Variants in CDH13 observed in about 807,000 individuals in gnomAD.
The protein encoded by CDH13 is cadherin 13.
Under a neutral mutation model 63.8 loss-of-function variants are expected in CDH13, and 24 were observed. The observed-to-expected ratio is 0.38, with a 90% CI of 0.27 to 0.53. The LOEUF (loss-of-function observed/expected upper bound fraction) is 0.53, where lower values mean the gene tolerates loss of function less well. Among genes scored for constraint, CDH13 ranks in the 20% least tolerant of loss-of-function variants. CDH13 has a pLI of 0.85. For missense variants in CDH13, 1,049 were observed against 903.1 expected, an observed-to-expected ratio of 1.16 and a Z score of -2.07; for synonymous variants, 503 against 355.3, an observed-to-expected ratio of 1.42 and a Z score of -4.67.
intron 8 of CDH13, among the ~76,000 whole-genome samples, chr16:83,670,029 C>T (rs1047236237): frequency 6.6e-6 from 1 of 152,200 alleles, no homozygotes. Context: ...ACCACACCTA[C>T]TTGAAACAAG....
At chr16:83,383,134 T>C (rs2091601070) in intron 6 of CDH13, 1 of 152,280 alleles carries the variant, frequency 6.6e-6, no homozygotes, top group East Asian at 1.9e-4. Context: ...CAGCCCTACA[T>C]TCTGCAGTGT....
intron 1 of CDH13, among the ~76,000 whole-genome samples, chr16:82,674,597 C>G (rs1567614371): frequency 6.6e-6 from 1 of 152,132 alleles, no homozygotes; most frequent in African/African-American, 2.4e-5. Flanking sequence ...GTACGTGAAA[C>G]CAGAAGAGAG....
intron 6 of CDH13, among the ~76,000 whole-genome samples, chr16:83,429,905 T>A (rs920118153): frequency 2.3e-4 from 35 of 152,332 alleles, no homozygotes; most frequent in Admixed American, 9.8e-4. Context: ...CTAATTCAGC[T>A]TGCCTGGCTG....
chr16:83,774,629 C>T (rs970691623), intron 11 of CDH13, among the ~76,000 whole-genome samples: 1 of 152,192 alleles, frequency 6.6e-6, no homozygotes, highest in African/African-American at 2.4e-5. Context: ...CCACTTCAGC[C>T]TCCCAGAGTG....
intron 4 of CDH13, among the ~76,000 whole-genome samples, chr16:83,148,365 G>A (rs1183273914): frequency 6.6e-6 from 1 of 151,836 alleles, no homozygotes; most frequent in African/African-American, 2.4e-5. Flanking sequence ...AGACAACATG[G>A]GTGGTGCCAT....
intron 3 of CDH13, among the ~76,000 whole-genome samples, chr16:83,094,436 C>G (rs1163454176): frequency 6.6e-6 from 1 of 152,170 alleles, no homozygotes; most frequent in Non-Finnish European, 1.5e-5. Flanking sequence ...TCAACTGACC[C>G]TGCAGAGAGC....
intron 6 of CDH13, among the ~76,000 whole-genome samples, chr16:83,428,588 A>G (rs1177234556): frequency 6.6e-6 from 1 of 152,210 alleles, no homozygotes; most frequent in Non-Finnish European, 1.5e-5. Flanking sequence ...GTGCTAGCCC[A>G]AGAAATCAGA....
chr16:83,726,096 G>C (rs1910351319), intron 10 of CDH13: 1 of 152,200 alleles, frequency 6.6e-6, no homozygotes, highest in Admixed American at 6.5e-5. Context: ...TTTTCATGTA[G>C]AGAAAACTGG....
At chr16:83,508,715 T>C (rs911605364) in intron 7 of CDH13, among the ~76,000 whole-genome samples, 1 of 152,210 alleles carries the variant, frequency 6.6e-6, no homozygotes, top group Non-Finnish European at 1.5e-5. Context: ...ATTGACTCTT[T>C]TACATATTCT....
At chr16:83,333,991 C>T (rs976203472) in intron 5 of CDH13, among the ~76,000 whole-genome samples, 2 of 152,092 alleles carry the variant, frequency 1.3e-5, no homozygotes, top group Non-Finnish European at 2.9e-5. Context: ...AGGGTAAAAT[C>T]AAGGTGTCCG....
chr16:82,745,273 C>A (rs1348463732), intron 1 of CDH13, among the ~76,000 whole-genome samples: 1 of 152,164 alleles, frequency 6.6e-6, no homozygotes, highest in Non-Finnish European at 1.5e-5. Context: ...ATCCAAGCTT[C>A]AGTAGCCTTT....
intron 6 of CDH13, among the ~76,000 whole-genome samples, chr16:83,384,903 T>C (rs2091642516): frequency 6.6e-6 from 1 of 152,338 alleles, no homozygotes; most frequent in South Asian, 2.1e-4. Context: ...GTCCAACTTC[T>C]AGGAAAGTAT....
At chr16:82,974,444 C>T (rs1909213262) in intron 2 of CDH13, among the ~76,000 whole-genome samples, 1 of 152,116 alleles carries the variant, frequency 6.6e-6, no homozygotes, top group Non-Finnish European at 1.5e-5. Flanking sequence ...TAAAAGGTTC[C>T]TTGGCTTATA....
intron 6 of CDH13, among the ~76,000 whole-genome samples, chr16:83,393,821 G>GTGGA (rs2091833994): frequency 6.6e-6 from 1 of 152,158 alleles, no homozygotes. Context: ...TCACCCCCTA[G>GTGGA]TGGAGGGAGA....
At chr16:83,472,622 G>C (rs1191208081) in intron 6 of CDH13, among the ~76,000 whole-genome samples, 4 of 152,104 alleles carry the variant, frequency 2.6e-5, no homozygotes, top group Admixed American at 2.0e-4. Flanking sequence ...AGGTGCCTTT[G>C]GTCTCTCTTC....
intron 6 of CDH13, among the ~76,000 whole-genome samples, chr16:83,427,209 C>T (rs1400140139): frequency 3.3e-5 from 5 of 151,956 alleles, no homozygotes; most frequent in Admixed American, 6.6e-5. Flanking sequence ...CCACCGCGCC[C>T]GGCCTAAATA....
chr16:83,608,927 A>G (rs1415633453), intron 8 of CDH13, among the ~76,000 whole-genome samples: 2 of 152,172 alleles, frequency 1.3e-5, no homozygotes, highest in African/African-American at 2.4e-5. Context: ...TAACAATTAC[A>G]TAAGATCATT....
At chr16:83,445,462 G>A (rs906845054) in intron 6 of CDH13, among the ~76,000 whole-genome samples, 1 of 151,998 alleles carries the variant, frequency 6.6e-6, no homozygotes, top group African/African-American at 2.4e-5. Context: ...CAGGCTTCTG[G>A]GTCATTAAGG....
intron 3 of CDH13, among the ~76,000 whole-genome samples, chr16:83,084,056 C>T (rs1024994894): frequency 1.3e-5 from 2 of 152,188 alleles, no homozygotes; most frequent in African/African-American, 4.8e-5. Context: ...CATGAACTGG[C>T]AGAAGAGGCT....
Sources: allele counts gnomAD v4.1 joint callset (sites outside exome capture counted in the v4.1 genomes callset), GRCh38; gene constraint gnomAD v4.1.1; transcripts MANE v1.5; gene names NCBI Gene and HGNC (gene_info 2026-07-23, HGNC 2026-07-21).